The following RNF150 variants were observed in gnomAD, a reference collection of about 807,000 sequenced individuals.
RNF150 encodes the protein ring finger protein 150.
A neutral mutation model predicts 39.3 loss-of-function variants in RNF150; 24 were observed. The ratio of observed to expected loss-of-function variants is 0.61; its 90% CI spans 0.44 to 0.86. RNF150 has a LOEUF of 0.86. Ranked by LOEUF, RNF150 falls within the 40% of genes least tolerant of loss-of-function variation. RNF150 has a pLI of 0.00. For synonymous variants in RNF150, 255 were observed against 227.3 expected, an observed-to-expected ratio of 1.12 and a Z score of -1.10; for missense variants, 502 against 587.8, an observed-to-expected ratio of 0.85 and a Z score of 1.51.
chr4:140,872,546 T>C (rs578109673), intron 6 of RNF150, among the ~76,000 whole-genome samples: 129 of 102,552 alleles, frequency 1.3e-3, no homozygotes, highest in Non-Finnish European at 2.0e-3. Context: ...GGAATCCAGT[T>C]AGGAAACTAT....
rs1344497847 is a variant in RNF150, at chr4:141,057,260, T to A, written c.484+75065A>T. ...AATTCTTATTTTTTAAAATTATATTTATGTAATAGGTTATATCTAAATTAT... is the reference window on the plus strand; with the variant it reads ...AATTCTTATTTTTTAAAATTATATTAATGTAATAGGTTATATCTAAATTAT... On this transcript the variant is annotated intron_variant, in intron 1 of 6. Transcript: ENST00000515673. 3.3e-5 allele frequency among the ~76,000 whole-genome samples: 5 copies of A among 152,010 alleles called. No homozygotes were observed. The East Asian group carries it at 7.7e-4, about 23-fold the overall frequency.
At chr4:141,025,723 T>C (rs1735671120) in intron 1 of RNF150, among the ~76,000 whole-genome samples, 1 of 152,148 alleles carries the variant, frequency 6.6e-6, no homozygotes, top group African/African-American at 2.4e-5. Context: ...AAGAATAGGA[T>C]GTTTATTAGC....
chr4:141,133,567 G>T (rs1343700518), upstream of RNF150: 3 of 152,204 alleles, frequency 2.0e-5, no homozygotes, highest in Non-Finnish European at 4.4e-5. Context: ...ATGTTCCCTT[G>T]GTCTCTCTTT....
At chr4:140,949,892 C>T (rs1436895078) in intron 2 of RNF150, among the ~76,000 whole-genome samples, 1 of 152,164 alleles carries the variant, frequency 6.6e-6, no homozygotes, top group African/African-American at 2.4e-5. Context: ...TCTCATGTGG[C>T]AATTTTACCT....
intron 4 of RNF150, chr4:140,944,921 T>C (rs965758788): frequency 2.6e-5 from 4 of 152,206 alleles, no homozygotes; most frequent in African/African-American, 9.6e-5. Flanking sequence ...TGTTTGATAA[T>C]ATCCATTAGT....
At chr4:140,939,686 G>C (rs535018339) in intron 4 of RNF150, among the ~76,000 whole-genome samples, 1 of 149,972 alleles carries the variant, frequency 6.7e-6, no homozygotes, top group South Asian at 2.1e-4. Context: ...CCCTTTCAGT[G>C]CTTGAAATCT....
rs979361441 is a variant in RNF150, at chr4:140,967,773, G to T, written c.585C>A (p.Ile195=). The T allele has an allele frequency of 1.2e-6, 2 of 1,613,536 alleles. No homozygotes were observed. The highest frequency in any genetic ancestry group is 1.7e-6 in the Non-Finnish European group (2 of 1,179,640). The change falls in exon 2 of 7, where the codon ATC becomes ATA. Residue 195 remains isoleucine (I), a synonymous_variant. Coordinates refer to ENST00000515673, the MANE Select transcript of RNF150 (RefSeq NM_020724.2). ...RNITVTMYIT[I]GTRNLQKYVS... is the part of the protein sequence containing the mutation. ...CATATTTCTGCAAGTTCCGGGTTCC[G>T]ATGGTGATGTACATTGTCACGGTGA... is the stretch of plus-strand genomic sequence containing the variant.
At chr4:141,161,772 C>T (rs1727516402) in intron 1 of RNF150, among the ~76,000 whole-genome samples, 1 of 152,228 alleles carries the variant, frequency 6.6e-6, no homozygotes, top group Admixed American at 6.5e-5. Flanking sequence ...CCTCAGGCTG[C>T]TACTCCAAAG....
intron 1 of RNF150, among the ~76,000 whole-genome samples, chr4:141,142,972 C>A (rs955658913): frequency 1.3e-5 from 2 of 151,860 alleles, no homozygotes; most frequent in Non-Finnish European, 2.9e-5. Flanking sequence ...CAGGTTCAAG[C>A]AATTCTCCTG....
chr4:141,055,267 T>C (rs1736924040), intron 1 of RNF150, among the ~76,000 whole-genome samples: 1 of 152,150 alleles, frequency 6.6e-6, no homozygotes. Context: ...ATCCAGAGTA[T>C]GGCTGGAAAA....
chr4:141,113,522 G>A (rs1350379681), intron 1 of RNF150, among the ~76,000 whole-genome samples: 9 of 152,076 alleles, frequency 5.9e-5, no homozygotes, highest in African/African-American at 2.2e-4. Flanking sequence ...CATAAAGCAA[G>A]TTCTTGGAGA....
intron 1 of RNF150, among the ~76,000 whole-genome samples, chr4:141,166,705 T>C (rs760672211): frequency 1.1e-4 from 16 of 152,192 alleles, no homozygotes; most frequent in Non-Finnish European, 4.4e-5. Context: ...CATGATTATC[T>C]CAATAGATAC....
intron 2 of RNF150, among the ~76,000 whole-genome samples, chr4:140,966,412 A>G (rs1468739269): frequency 6.6e-6 from 1 of 152,132 alleles, no homozygotes; most frequent in Non-Finnish European, 1.5e-5. Context: ...CCATGGATAA[A>G]ATAAAAGACA....
intron 1 of RNF150, among the ~76,000 whole-genome samples, chr4:141,212,403 CTGT>C (rs1414044236): frequency 1.3e-5 from 2 of 152,152 alleles, no homozygotes; most frequent in East Asian, 1.9e-4. Context: ...TTCCTCTTAT[CTGT>C]TGTTCTTATT....
chr4:140,878,833 T>C (rs1338419071), intron 6 of RNF150, among the ~76,000 whole-genome samples: 1 of 152,246 alleles, frequency 6.6e-6, no homozygotes, highest in Non-Finnish European at 1.5e-5. Flanking sequence ...CCAAATACAA[T>C]GCCATGAAGC....
chr4:141,026,791 A>C (rs1473403225), intron 1 of RNF150, among the ~76,000 whole-genome samples: 2 of 152,216 alleles, frequency 1.3e-5, no homozygotes, highest in African/African-American at 4.8e-5. Flanking sequence ...CATAGGGAAA[A>C]ATCAAAGGAA....
At chr4:141,183,683 A>AC (rs1727951205) in intron 1 of RNF150, among the ~76,000 whole-genome samples, 1 of 150,848 alleles carries the variant, frequency 6.6e-6, no homozygotes, top group Admixed American at 6.6e-5. Flanking sequence ...CTTGCCCCAA[A>AC]CCCCCCAACA....
Position 140,920,837 on chromosome 4 carries a change from C to A in RNF150, c.987+5140G>T, listed in dbSNP as rs192618059. Among the ~76,000 whole-genome samples the A allele has an allele frequency of 2.7e-3, 401 of 151,006 alleles. 1 individual carries two copies. The highest frequency in any genetic ancestry group is 9.3e-3 in the African/African-American group (386 of 41,292). The stretch of plus-strand genomic sequence containing the variant: ...ATTAAGAAAATGTGGCACATATACA[C>A]CATGGAATACTATGCAGCCGTAAAA... On this transcript the variant is annotated intron_variant, in intron 5 of 6. Coordinates refer to ENST00000515673, the MANE Select transcript of RNF150 (RefSeq NM_020724.2).
At chr4:141,185,536 C>G (rs1338154458) in intron 1 of RNF150, among the ~76,000 whole-genome samples, 1 of 152,078 alleles carries the variant, frequency 6.6e-6, no homozygotes, top group Non-Finnish European at 1.5e-5. Context: ...TCTCTTGCCT[C>G]ATTGTCCTGG....
Sources: gnomAD v4.1 joint callset for allele counts (sites outside exome capture counted in the v4.1 genomes callset) on GRCh38, gnomAD v4.1.1 for gene constraint, MANE v1.5 for transcripts, NCBI Gene and HGNC (gene_info 2026-07-23, HGNC 2026-07-21) for gene names.